The following CDH18 variants were observed in gnomAD, a reference collection of about 807,000 sequenced individuals.
CDH18 encodes the protein cadherin 18.
In CDH18, 31 loss-of-function variants were observed where a neutral mutation model predicts 67.9. That is an observed-to-expected ratio of 0.46 (90% CI 0.34 to 0.62). CDH18 has a LOEUF of 0.62. Among genes scored for constraint, CDH18 ranks in the 20% least tolerant of loss-of-function variants. The pLI is 0.01. For missense variants in CDH18, 890 were observed against 975.5 expected, an observed-to-expected ratio of 0.91 and a Z score of 1.17; for synonymous variants, 362 against 347.2, an observed-to-expected ratio of 1.04 and a Z score of -0.48.
At chr5:20,216,428 G>C (rs942383886) in intron 2 of CDH18, among the ~76,000 whole-genome samples, 4 of 151,890 alleles carry the variant, frequency 2.6e-5, no homozygotes, top group African/African-American at 4.8e-5. Context: ...TGCTTCCAAG[G>C]TAGTGGGAAC....
rs1748719223 is a variant in CDH18 at position 20,431,342 on chromosome 5, C to G, written c.-580+144120G>C. On this transcript the variant is annotated intron_variant, in intron 1 of 14. Transcript: ENST00000507958. ...TCTGTCTCTACTAAAATTACAAAAA[C>G]ATTACGTGGGTATGGTGGTGCACGC... 2.6e-5 allele frequency among the ~76,000 whole-genome samples: 4 copies of G among 151,782 alleles called. No individual in the cohort carries two copies. In the South Asian group the frequency reaches 8.3e-4, roughly 32 times the overall value.
chr5:20,193,611 C>A (rs1738718637), intron 2 of CDH18, among the ~76,000 whole-genome samples: 1 of 152,056 alleles, frequency 6.6e-6, no homozygotes. Context: ...AAGCCAACAT[C>A]ATCCTGATAC....
intron 2 of CDH18, among the ~76,000 whole-genome samples, chr5:20,111,260 A>T (rs573875147): frequency 6.6e-6 from 1 of 152,290 alleles, no homozygotes; most frequent in East Asian, 1.9e-4. Context: ...CCTTGAGTCA[A>T]AGGTTCAGAA....
intron 1 of CDH18, among the ~76,000 whole-genome samples, chr5:20,379,390 G>A (rs1300621237): frequency 6.6e-6 from 1 of 152,124 alleles, no homozygotes; most frequent in African/African-American, 2.4e-5. Context: ...GCCAACTTCA[G>A]TTTCTCCTGA....
chr5:19,652,152 T>G (rs931156984), intron 5 of CDH18, among the ~76,000 whole-genome samples: 1 of 152,028 alleles, frequency 6.6e-6, no homozygotes, highest in Non-Finnish European at 1.5e-5. Context: ...ATAATTATTA[T>G]ATTCACATGT....
chr5:20,241,338 A>G (rs1742878752), intron 2 of CDH18, among the ~76,000 whole-genome samples: 1 of 152,154 alleles, frequency 6.6e-6, no homozygotes. Flanking sequence ...TCAAGCATAT[A>G]TTCTTCATAT....
chr5:20,039,498 T>C (rs576377694), intron 2 of CDH18, among the ~76,000 whole-genome samples: 1 of 151,938 alleles, frequency 6.6e-6, no homozygotes, highest in South Asian at 2.1e-4. Context: ...CTAAAACAGA[T>C]ATATAGACCA....
chr5:20,540,421 CAAT>C (rs1365379950), intron 1 of CDH18, among the ~76,000 whole-genome samples: 1 of 151,948 alleles, frequency 6.6e-6, no homozygotes, highest in Non-Finnish European at 1.5e-5. Flanking sequence ...ACAATGAAAA[CAAT>C]AATGATAGCT....
chr5:20,212,182 T>C (rs553932230), intron 2 of CDH18, among the ~76,000 whole-genome samples: 1 of 152,048 alleles, frequency 6.6e-6, no homozygotes, highest in African/African-American at 2.4e-5. Context: ...AGGGTATCAG[T>C]GATTGAAGAT....
At chr5:19,518,167 A>G (rs1258742620) in intron 10 of CDH18, among the ~76,000 whole-genome samples, 1 of 152,100 alleles carries the variant, frequency 6.6e-6, no homozygotes, top group Non-Finnish European at 1.5e-5. Flanking sequence ...TTAAGCATAT[A>G]AAATAATAAT....
intron 2 of CDH18, among the ~76,000 whole-genome samples, chr5:19,930,169 C>G (rs139092746): frequency 1.9e-3 from 291 of 152,126 alleles, no homozygotes; most frequent in African/African-American, 6.3e-3. Context: ...GAAAACGGAA[C>G]AAAGGGAGGA....
At chr5:20,116,760 A>C (rs1392670383) in intron 2 of CDH18, among the ~76,000 whole-genome samples, 1 of 152,176 alleles carries the variant, frequency 6.6e-6, no homozygotes, top group Non-Finnish European at 1.5e-5. Context: ...TAATGTCTGC[A>C]GTTCAATGAA....
chr5:20,566,173 G>C (rs1758491086), intron 1 of CDH18, among the ~76,000 whole-genome samples: 1 of 152,014 alleles, frequency 6.6e-6, no homozygotes, highest in Non-Finnish European at 1.5e-5. Flanking sequence ...TGCAGGGCAA[G>C]TACCTCAGGT....
intron 1 of CDH18, among the ~76,000 whole-genome samples, chr5:20,415,062 A>T (rs988388130): frequency 3.3e-5 from 5 of 152,210 alleles, no homozygotes; most frequent in Non-Finnish European, 5.9e-5. Flanking sequence ...CATAGCAGCC[A>T]AGATGTGGTA....
intron 1 of CDH18, among the ~76,000 whole-genome samples, chr5:20,423,032 T>C (rs979923995): frequency 6.0e-5 from 9 of 150,810 alleles, no homozygotes. Flanking sequence ...TCCAGAGGAG[T>C]TGAAGGAGAG....
intron 1 of CDH18, among the ~76,000 whole-genome samples, chr5:20,487,576 C>A (rs1020867517): frequency 1.3e-5 from 2 of 150,916 alleles, no homozygotes; most frequent in African/African-American, 4.9e-5. Flanking sequence ...TATCAAATTT[C>A]CACATTTGGG....
intron 4 of CDH18, among the ~76,000 whole-genome samples, chr5:19,740,516 T>G (rs1200048293): frequency 6.6e-6 from 1 of 152,122 alleles, no homozygotes; most frequent in Non-Finnish European, 1.5e-5. Context: ...ATAAAATTAT[T>G]CTTGTTTTAA....
intron 2 of CDH18, among the ~76,000 whole-genome samples, chr5:20,096,021 G>C (rs972908214): frequency 1.3e-5 from 2 of 152,020 alleles, no homozygotes; most frequent in Non-Finnish European, 2.9e-5. Flanking sequence ...TTTGAAAGGA[G>C]AGCTTATATA....
intron 1 of CDH18, among the ~76,000 whole-genome samples, chr5:20,346,657 T>G (rs1740724869): frequency 6.6e-6 from 1 of 152,168 alleles, no homozygotes; most frequent in African/African-American, 2.4e-5. Context: ...TACCTCTAGA[T>G]GGCTCTTTAC....
Sources: gnomAD v4.1 joint callset for allele counts (sites outside exome capture counted in the v4.1 genomes callset) on GRCh38, gnomAD v4.1.1 for gene constraint, MANE v1.5 for transcripts, NCBI Gene and HGNC (gene_info 2026-07-23, HGNC 2026-07-21) for gene names.